DYNC1LI1: variants seen among roughly 807,000 people sequenced by gnomAD.
DYNC1LI1 encodes the protein cytoplasmic dynein 1 light intermediate chain 1.
Under a neutral mutation model 63.8 loss-of-function variants are expected in DYNC1LI1, and 19 were observed. The observed-to-expected ratio is 0.30, with a 90% CI of 0.21 to 0.44. The LOEUF is 0.44. Ranked by LOEUF, DYNC1LI1 falls within the 20% of genes least tolerant of loss-of-function variation. The pLI is 1.00. For synonymous variants in DYNC1LI1, 225 were observed against 232.3 expected (o/e 0.97, Z 0.28); for missense variants, 565 against 630.2 (o/e 0.90, Z 1.11).
rs1428062833 is a variant in DYNC1LI1, at chr3:32,558,837, A to C, written c.220+11509T>G. Among the ~76,000 whole-genome samples the C allele has an allele frequency of 2.1e-5, 3 of 145,558 alleles. No homozygotes were observed. In the East Asian group the frequency reaches 6.0e-4, roughly 29 times the overall value. On this transcript the variant is annotated intron_variant, in intron 2 of 12. Coordinates refer to ENST00000273130, the MANE Select transcript of DYNC1LI1 (RefSeq NM_016141.4). ...CTCTAGCCTGGGCAACAAGAGCAAA[A>C]CTCCATCTCAAAAAAAAAAAAAATA...
intron 1 of DYNC1LI1, 95 bp downstream of exon 1, chr3:32,570,530 G>A (rs1166363452): frequency 8.1e-6 from 12 of 1,489,884 alleles, no homozygotes; most frequent in Non-Finnish European, 9.9e-6. Context: ...GCAGTGGCCG[G>A]GCCCGGCGCC....
chr3:32,537,183 G>T, intron 5 of DYNC1LI1, 79 bp from the exon 6 acceptor site: 1 of 742,578 alleles, frequency 1.3e-6, no homozygotes, highest in South Asian at 2.6e-5. Flanking sequence ...GTTCAATTCT[G>T]GATAGGGGAA....
At chr3:32,549,743 T>G (rs1442721869) in intron 2 of DYNC1LI1, among the ~76,000 whole-genome samples, 1 of 152,214 alleles carries the variant, frequency 6.6e-6, no homozygotes, top group Non-Finnish European at 1.5e-5. Flanking sequence ...CTACCTTGAT[T>G]GAGCCATCCC....
rs150042247 is a variant in DYNC1LI1 at position 32,534,618 on chromosome 3, T to C, written c.861A>G (p.Val287=). 85 of 1,598,436 alleles carry C rather than the reference T, an allele frequency of 5.3e-5. No homozygotes were observed. The highest frequency in any genetic ancestry group is 1.6e-4 in the Admixed American group (9 of 57,172). ...QYGAALIYTS[V]KENKNIDLVY... ...CTAAGTCTATATTTTTGTTTTCTTT[T>C]ACTGAAGTGTAAATAAGTGCTGCAC... The change falls in exon 7 of 13, where the codon GTA becomes GTG. Residue 287 remains valine (V), a synonymous_variant. Coordinates refer to ENST00000273130, the MANE Select transcript of DYNC1LI1 (RefSeq NM_016141.4).
chr3:32,526,664 C>A lies in DYNC1LI1; in HGVS notation c.*135G>T. 1 of 644,498 alleles carries A rather than the reference C, an allele frequency of 1.6e-6. No individual in the cohort carries two copies. The highest frequency in any genetic ancestry group is 1.9e-5 in the South Asian group (1 of 51,352). The allele number at this position is 644,498 out of a possible 1,614,324, so 39.9% of individuals were successfully genotyped here. The stretch of plus-strand genomic sequence containing the variant: ...TAAAAAATGGGTAACCACACACACA[C>A]ACACACACACACACGACATAAATTT... On this transcript the variant is annotated 3_prime_UTR_variant, in exon 13 of 13. Transcript: ENST00000273130.
At chr3:32,560,365 G>A (rs1310961273) in intron 2 of DYNC1LI1, among the ~76,000 whole-genome samples, 1 of 152,128 alleles carries the variant, frequency 6.6e-6, no homozygotes, top group African/African-American at 2.4e-5. Context: ...CCAGGGAGAC[G>A]GAGGTTGCAG....
Position 32,567,326 on chromosome 3 carries a change from A to G in DYNC1LI1, c.220+3020T>C, listed in dbSNP as rs890188594. Among the ~76,000 whole-genome samples, 8 of 152,216 alleles carry G rather than the reference A, an allele frequency of 5.3e-5. No individual in the cohort carries two copies. The East Asian group carries it at 1.5e-3, about 29-fold the overall frequency. The stretch of plus-strand genomic sequence containing the variant: ...GAGATTTGTATGAAAATCCTTTGAC[A>G]ATGGCTCTTACACATACACACGTTA... On this transcript the variant is annotated intron_variant, in intron 2 of 12. Transcript: ENST00000273130.
intron 2 of DYNC1LI1, among the ~76,000 whole-genome samples, chr3:32,549,675 C>G (rs1294062429): frequency 2.0e-5 from 3 of 151,936 alleles, no homozygotes; most frequent in Non-Finnish European, 4.4e-5. Flanking sequence ...TATAATATGA[C>G]CCAGGATTTA....
intron 2 of DYNC1LI1, among the ~76,000 whole-genome samples, chr3:32,548,958 T>C (rs1697995510): frequency 1.3e-5 from 2 of 152,220 alleles, no homozygotes; most frequent in South Asian, 2.1e-4. Flanking sequence ...AAAAAGAAAT[T>C]AGGTTTAAAA....
At position 32,541,119 on chromosome 3, in the gene DYNC1LI1, T is replaced by C. The variant is rs777938784; in HGVS notation, c.656A>G (p.Lys219Arg). 12 of 1,613,654 alleles carry C rather than the reference T, an allele frequency of 7.4e-6. No individual in the cohort carries two copies. In the African/African-American group the frequency reaches 1.5e-4, roughly 20 times the overall value. ...QRRNTASQED[K>R]DDSVVLPLGA... ...CAGAGGTAAAACTACACTGTCATCTTTGTCTTCTTGTGACGCAGTATTTCT... is the reference window on the plus strand; with the variant it reads ...CAGAGGTAAAACTACACTGTCATCTCTGTCTTCTTGTGACGCAGTATTTCT... The change falls in exon 5 of 13, where the codon AAA (lysine) becomes AGA (arginine). Residue 219 changes from lysine to arginine, a missense_variant. By Grantham distance (26) the Lys-to-Arg change is conservative. Transcript: ENST00000273130.
At chr3:32,544,195 C>T (rs28533682) in intron 4 of DYNC1LI1, among the ~76,000 whole-genome samples, 1,667 of 152,228 alleles carry the variant, frequency 0.011, 23 homozygotes, top group African/African-American at 0.038. Flanking sequence ...AATCATAAAA[C>T]CATTTTAATA....
chr3:32,564,177 G>A (rs1196995405), intron 2 of DYNC1LI1, among the ~76,000 whole-genome samples: 5 of 152,188 alleles, frequency 3.3e-5, no homozygotes, highest in African/African-American at 1.2e-4. Flanking sequence ...ATCGTGGTGG[G>A]ACTACAGTCC....
intron 2 of DYNC1LI1, 47 bp downstream of exon 2, chr3:32,570,298 CG>C (rs1559447209): frequency 1.4e-6 from 2 of 1,472,832 alleles, no homozygotes; most frequent in Non-Finnish European, 1.9e-6. Flanking sequence ...CCAGGTACCC[CG>C]GGCCGCTGGG....
chr3:32,538,031 T>TA (rs1697818097), intron 5 of DYNC1LI1, among the ~76,000 whole-genome samples: 1 of 10,386 alleles, frequency 9.6e-5, no homozygotes, highest in African/African-American at 1.3e-3. Flanking sequence ...AATTTATATA[T>TA]ATAATATATA....
chr3:32,528,708 G>C (rs989951276), intron 11 of DYNC1LI1, 107 bp from the exon 12 acceptor site: 49 of 1,131,884 alleles, frequency 4.3e-5, no homozygotes, highest in Non-Finnish European at 5.5e-5. Flanking sequence ...TAAATTTTAA[G>C]AGTTTTATAT....
In DYNC1LI1 at chr3:32,532,508, A is replaced by ATATATATATATATATAT. The variant is rs1559434368; in HGVS notation, c.1080+477_1080+478insATATATATATATATATA. The ATATATATATATATATAT allele has an allele frequency of 8.4e-4, 105 of 124,942 alleles. 2 individuals carry two copies. Among genetic ancestry groups the ATATATATATATATATAT allele is most frequent in the African/African-American group, 2.7e-3 (96 of 34,956 alleles). 7.7% of individuals were successfully genotyped at this position (124,942 alleles called of 1,614,324 possible). The stretch of plus-strand genomic sequence containing the variant: ...GTGTGTATATATATATATATATATA[A>ATATATATATATATATAT]AATTGAAAGTTCTTGGATAGCTGTG... On this transcript the variant is annotated intron_variant, in intron 8 of 12. Transcript: ENST00000273130.
chr3:32,526,653 CCACACACACACA>C lies in DYNC1LI1; in HGVS notation c.*134_*145del, dbSNP rs3836420. 1.2e-5 allele frequency: 6 copies of C among 499,194 alleles called. No individual in the cohort carries two copies. Among genetic ancestry groups the C allele is most frequent in the African/African-American group, 2.0e-5 (1 of 50,992 alleles). 30.9% of individuals were successfully genotyped at this position (499,194 alleles called of 1,614,324 possible). A position where few individuals can be genotyped will look rare whatever the true frequency, so the allele number is the denominator to read the frequency against. On this transcript the variant is annotated 3_prime_UTR_variant, in exon 13 of 13. Transcript: ENST00000273130. ...ACGGCTCCTTCTAAAAAATGGGTAACCACACACACACACACACACACACACGACATAAATTTA... is the reference window on the plus strand; with the variant it reads ...ACGGCTCCTTCTAAAAAATGGGTAACCACACACACACACGACATAAATTTA...
chr3:32,543,456 G>A (rs1697909894), intron 4 of DYNC1LI1, among the ~76,000 whole-genome samples: 1 of 143,290 alleles, frequency 7.0e-6, no homozygotes, highest in Non-Finnish European at 1.5e-5. Flanking sequence ...CTGGAGTACA[G>A]TGGCGCAATC....
intron 2 of DYNC1LI1, among the ~76,000 whole-genome samples, chr3:32,547,351 A>G (rs1041848538): frequency 2.0e-5 from 3 of 152,208 alleles, no homozygotes. Context: ...TGGACTTATT[A>G]GAATCATAGT....
Sources: gnomAD v4.1 joint callset for allele counts (sites outside exome capture counted in the v4.1 genomes callset) on GRCh38, gnomAD v4.1.1 for gene constraint, MANE v1.5 for transcripts, NCBI Gene and HGNC (gene_info 2026-07-23, HGNC 2026-07-21) for gene names.